The following ATP8A1 variants were observed in gnomAD, a reference collection of about 807,000 sequenced individuals.
The protein encoded by ATP8A1 is phospholipid-transporting ATPase IA.
A neutral mutation model predicts 177.7 loss-of-function variants in ATP8A1; 90 were observed. The observed-to-expected ratio is 0.51, with a 90% CI of 0.43 to 0.60. The LOEUF is 0.60. Among genes scored for constraint, ATP8A1 ranks in the 20% least tolerant of loss-of-function variants. The probability of loss-of-function intolerance (pLI) is 0.00; values close to 1 mark genes in which losing one functional copy is unlikely to be tolerated. For synonymous variants in ATP8A1, 493 were observed against 485.9 expected, an observed-to-expected ratio of 1.01 and a Z score of -0.19; for missense variants, 1,072 against 1,392.8, an observed-to-expected ratio of 0.77 and a Z score of 3.67.
At chr4:42,557,885 AT>A (rs1294144126) in intron 15 of ATP8A1, among the ~76,000 whole-genome samples, 2 of 152,024 alleles carry the variant, frequency 1.3e-5, no homozygotes, top group Middle Eastern at 6.3e-3. Context: ...TCTACTAAAA[AT>A]ATAAAAATTA....
chr4:42,637,944 A>G (rs1739558828), intron 1 of ATP8A1, among the ~76,000 whole-genome samples: 1 of 152,198 alleles, frequency 6.6e-6, no homozygotes, highest in South Asian at 2.1e-4. Flanking sequence ...TAATCTTTTG[A>G]GCTATATGCT....
intron 34 of ATP8A1, 110 bp downstream of exon 34, chr4:42,423,507 C>T (rs1004277718): frequency 1.5e-5 from 9 of 593,528 alleles, no homozygotes; most frequent in Non-Finnish European, 2.2e-5. Context: ...AGTAATATTA[C>T]CAGTCCCTAT....
chr4:42,555,139 A>ATCTATCTATCTATCTT (rs1553903246), intron 16 of ATP8A1, among the ~76,000 whole-genome samples: 7 of 59,558 alleles, frequency 1.2e-4, no homozygotes, highest in Admixed American at 3.3e-4. Context: ...CTATCTATCT[A>ATCTATCTATCTATCTT]ATCTATCTAT....
intron 5 of ATP8A1, among the ~76,000 whole-genome samples, chr4:42,613,552 A>AT (rs1048040738): frequency 2.7e-5 from 4 of 147,936 alleles, no homozygotes; most frequent in Non-Finnish European, 6.1e-5. Flanking sequence ...GTTATACTAT[A>AT]TTTTTAAACT....
At chr4:42,449,995 A>G (rs934759453) in intron 30 of ATP8A1, among the ~76,000 whole-genome samples, 2 of 152,184 alleles carry the variant, frequency 1.3e-5, no homozygotes, top group South Asian at 2.1e-4. Context: ...TTTCAAACCT[A>G]TATCAATTTT....
At chr4:42,620,283 C>CA (rs534484504) in intron 4 of ATP8A1, among the ~76,000 whole-genome samples, 1 of 152,192 alleles carries the variant, frequency 6.6e-6, no homozygotes, top group South Asian at 2.1e-4. Context: ...TCTTGCTAAA[C>CA]TACTCTTACA....
At chr4:42,656,439 A>T (rs921450374) in intron 1 of ATP8A1, among the ~76,000 whole-genome samples, 1 of 151,696 alleles carries the variant, frequency 6.6e-6, no homozygotes, top group African/African-American at 2.4e-5. Context: ...CTTCGCTGGG[A>T]GCTCAGATAG....
chr4:42,548,658 C>G (rs908908179), intron 19 of ATP8A1, among the ~76,000 whole-genome samples: 37 of 152,158 alleles, frequency 2.4e-4, no homozygotes, highest in African/African-American at 8.9e-4. Context: ...TTCAACATAA[C>G]TGTGTGTTCA....
intron 5 of ATP8A1, among the ~76,000 whole-genome samples, chr4:42,608,083 C>T (rs11939129): frequency 0.23 from 34,267 of 152,192 alleles, 4,352 homozygotes; most frequent in Non-Finnish European, 0.29. Flanking sequence ...TGTTTTTATT[C>T]AGCAGGATAC....
intron 32 of ATP8A1, 88 bp downstream of exon 32, chr4:42,444,490 T>C: frequency 7.8e-7 from 1 of 1,280,890 alleles, no homozygotes; most frequent in Non-Finnish European, 1.1e-6. Context: ...CTGGGACATA[T>C]CAAGTTAGAG....
chr4:42,514,177 G>T (rs1224417056), intron 22 of ATP8A1, among the ~76,000 whole-genome samples: 2 of 152,154 alleles, frequency 1.3e-5, no homozygotes, highest in African/African-American at 4.8e-5. Context: ...TTAACTTGGT[G>T]CTTTTCAAAC....
intron 27 of ATP8A1, among the ~76,000 whole-genome samples, chr4:42,462,677 C>T (rs1719302428): frequency 6.6e-6 from 1 of 152,240 alleles, no homozygotes. Flanking sequence ...CCCCCTGGGG[C>T]ACCACCTAGT....
In ATP8A1 at chr4:42,425,963, C is replaced by T. The variant is rs16854358; in HGVS notation, c.3124-2258G>A. On this transcript the variant is annotated intron_variant, in intron 33 of 36. Transcript: ENST00000381668. ...ACAGGAGGGCACAGGCCGTGTGTGG[C>T]GAACAAGCAACTGCTTGTCTCTGCA... Among the ~76,000 whole-genome samples, 449 of 152,338 alleles carry T rather than the reference C, an allele frequency of 2.9e-3. 3 individuals carry two copies. The highest frequency in any genetic ancestry group is 9.9e-3 in the African/African-American group (411 of 41,572).
At chr4:42,561,999 CA>C (rs1185512391) in intron 15 of ATP8A1, 6 of 152,150 alleles carry the variant, frequency 3.9e-5, no homozygotes, top group African/African-American at 1.4e-4. Context: ...TTGGAGCCCT[CA>C]TCTTTCTGCT....
At chr4:42,590,946 A>T (rs2109367930) in intron 6 of ATP8A1, 62 bp from the exon 7 acceptor site, 3 of 1,426,302 alleles carry the variant, frequency 2.1e-6, no homozygotes, top group East Asian at 4.5e-5. Context: ...GAGGAAAAAA[A>T]ACAAACAAAT....
intron 20 of ATP8A1, among the ~76,000 whole-genome samples, chr4:42,538,569 A>T (rs1244228023): frequency 6.6e-6 from 1 of 152,232 alleles, no homozygotes; most frequent in Admixed American, 6.5e-5. Context: ...AGAGGAAAAT[A>T]AACAATCCCA....
chr4:42,522,557 T>A (rs549581401), intron 21 of ATP8A1, among the ~76,000 whole-genome samples: 2 of 152,290 alleles, frequency 1.3e-5, no homozygotes, highest in Admixed American at 1.3e-4. Flanking sequence ...GTTTCTAAAA[T>A]CTGAATCTTA....
At chr4:42,548,778 A>G (rs1404015486) in intron 19 of ATP8A1, among the ~76,000 whole-genome samples, 1 of 152,202 alleles carries the variant, frequency 6.6e-6, no homozygotes, top group Non-Finnish European at 1.5e-5. Flanking sequence ...ACTTTCAAAA[A>G]GACTTTAAAA....
chr4:42,580,322 T>C (rs1346596043), intron 10 of ATP8A1, among the ~76,000 whole-genome samples: 1 of 152,198 alleles, frequency 6.6e-6, no homozygotes, highest in Non-Finnish European at 1.5e-5. Context: ...TAGAAACATT[T>C]AGTGTTTCCG....
Sources: allele counts gnomAD v4.1 joint callset (sites outside exome capture counted in the v4.1 genomes callset), GRCh38; gene constraint gnomAD v4.1.1; transcripts MANE v1.5; gene names NCBI Gene and HGNC (gene_info 2026-07-23, HGNC 2026-07-21).